The following ADAM23 variants were observed in gnomAD, a reference collection of about 807,000 sequenced individuals.
ADAM23 encodes ADAM metallopeptidase domain 23.
Under a neutral mutation model 120.1 loss-of-function variants are expected in ADAM23, and 33 were observed. The ratio of observed to expected loss-of-function variants is 0.27; its 90% confidence interval spans 0.21 to 0.37. The LOEUF is 0.37. Ranked by LOEUF, ADAM23 falls within the 10% of genes least tolerant of loss-of-function variation. ADAM23 has a pLI of 1.00. For missense variants in ADAM23, 862 were observed against 1,058.2 expected (o/e 0.81, Z 2.57); for synonymous variants, 367 against 375.2 (o/e 0.98, Z 0.25).
At chr2:206,492,516 T>G (rs929817230) in intron 3 of ADAM23, among the ~76,000 whole-genome samples, 1 of 152,222 alleles carries the variant, frequency 6.6e-6, no homozygotes. Flanking sequence ...ATATATTGTT[T>G]ATACAATAGA....
In ADAM23 at chr2:206,589,439, A is replaced by T; in HGVS notation, c.1883A>T (p.Glu628Val). Residue 628 changes from glutamate to valine, a missense_variant, in exon 21 of 26, where the codon GAA (glutamate) becomes GTA (valine). By Grantham distance (121) the Glu-to-Val change is moderately radical (BLOSUM62 -2). Transcript: ENST00000264377. ...KAAGSDKFCY[E>V]KLNTEGTEKG... Reference sequence around the variant, plus strand: ...GCAGGGTCTGACAAGTTCTGCTATGAAAAGCTGAATACAGAAGGCACTGAG... The same window carrying T: ...GCAGGGTCTGACAAGTTCTGCTATGTAAAGCTGAATACAGAAGGCACTGAG... The T allele has an allele frequency of 6.2e-7, 1 of 1,613,852 alleles. No homozygotes were observed. Among genetic ancestry groups the T allele is most frequent in the Non-Finnish European group, 8.5e-7 (1 of 1,179,882 alleles).
chr2:206,611,080 A>G (rs1698817339), intron 25 of ADAM23, among the ~76,000 whole-genome samples: 1 of 152,196 alleles, frequency 6.6e-6, no homozygotes, highest in Non-Finnish European at 1.5e-5. Flanking sequence ...TTAAAGTGTT[A>G]TTTTTAGAAG....
chr2:206,484,102 A>G (rs559477142), intron 3 of ADAM23, among the ~76,000 whole-genome samples: 1 of 152,282 alleles, frequency 6.6e-6, no homozygotes, highest in South Asian at 2.1e-4. Context: ...AGGGAATGAG[A>G]TCAAAGCCCA....
At chr2:206,498,673 C>G (rs567296208) in intron 3 of ADAM23, among the ~76,000 whole-genome samples, 24 of 152,198 alleles carry the variant, frequency 1.6e-4, no homozygotes, top group African/African-American at 5.3e-4. Flanking sequence ...AACTAAAGAG[C>G]TTTTGCACAG....
chr2:206,592,903 C>T (rs1430292562), intron 22 of ADAM23, among the ~76,000 whole-genome samples, 167 bp downstream of exon 22: 1 of 152,046 alleles, frequency 6.6e-6, no homozygotes, highest in Non-Finnish European at 1.5e-5. Flanking sequence ...TAAAAAGAAA[C>T]AAAGTTGTAT....
At position 206,591,452 on chromosome 2, in the gene ADAM23, GTGTA is replaced by G. The variant is rs1303530402; in HGVS notation, c.1959-1163_1959-1160del. On this transcript the variant is annotated intron_variant, in intron 21 of 25. Transcript: ENST00000264377. ...CAGCATTTTAAGAGTTTTCTGTGGT[GTGTA>G]TAGCTGTCTGTTGTTCATTTTTATT... 2.0e-5 allele frequency among the ~76,000 whole-genome samples: 3 copies of G among 152,248 alleles called. No individual in the cohort carries two copies. The East Asian group carries it at 5.8e-4, about 29-fold the overall frequency.
chr2:206,518,178 A>G (rs1445941926), intron 3 of ADAM23, among the ~76,000 whole-genome samples: 1 of 152,188 alleles, frequency 6.6e-6, no homozygotes, highest in Non-Finnish European at 1.5e-5. Context: ...ACTGGATTTT[A>G]TTACTGGCAC....
intron 13 of ADAM23, among the ~76,000 whole-genome samples, chr2:206,562,608 G>A (rs566621853): frequency 1.3e-5 from 2 of 152,260 alleles, no homozygotes; most frequent in East Asian, 3.9e-4. Flanking sequence ...CTGAGCAGAC[G>A]TACAAGGTGC....
chr2:206,542,541 G>A (rs1697313099), intron 5 of ADAM23, among the ~76,000 whole-genome samples: 1 of 152,132 alleles, frequency 6.6e-6, no homozygotes, highest in Admixed American at 6.5e-5. Flanking sequence ...CCAGGCAAGG[G>A]TGGGGTGACA....
intron 25 of ADAM23, among the ~76,000 whole-genome samples, chr2:206,610,471 G>T (rs1435725037): frequency 6.6e-6 from 1 of 152,210 alleles, no homozygotes; most frequent in Admixed American, 6.5e-5. Context: ...GTAGCTTTGT[G>T]ATTTGAAAAG....
In ADAM23 at chr2:206,562,294, G is replaced by C. The variant is rs1336108725; in HGVS notation, c.1345+1G>C. Reference sequence around the variant, plus strand: ...TGGGAACCTTCTAGCAGAAAGCCAAGTATGTACACTGACCTTCTTACTCAT... The same window carrying C: ...TGGGAACCTTCTAGCAGAAAGCCAACTATGTACACTGACCTTCTTACTCAT... On this transcript the variant is annotated splice_donor_variant, in intron 13 of 25. Transcript: ENST00000264377. LOFTEE classifies it high-confidence loss of function. The C allele has an allele frequency of 6.2e-7, 1 of 1,612,386 alleles. No homozygotes were observed. The highest frequency in any genetic ancestry group is 8.5e-7 in the Non-Finnish European group (1 of 1,178,640).
At chr2:206,545,185 T>C (rs543313644) in intron 6 of ADAM23, among the ~76,000 whole-genome samples, 19 of 152,286 alleles carry the variant, frequency 1.2e-4, no homozygotes, top group African/African-American at 3.1e-4. Flanking sequence ...TCTTTAGGGA[T>C]TTCAAATTTA....
At chr2:206,517,030 A>C (rs1441361566) in intron 3 of ADAM23, among the ~76,000 whole-genome samples, 1 of 152,086 alleles carries the variant, frequency 6.6e-6, no homozygotes, top group Admixed American at 6.6e-5. Flanking sequence ...AAAATAAAAT[A>C]ATAGTAAGCT....
At chr2:206,469,668 C>T (rs1227937708) in intron 2 of ADAM23, among the ~76,000 whole-genome samples, 1 of 152,186 alleles carries the variant, frequency 6.6e-6, no homozygotes, top group Non-Finnish European at 1.5e-5. Context: ...AGGCAGAGTT[C>T]ATACAGTGGC....
chr2:206,539,068 A>C (rs1432564289), intron 4 of ADAM23, among the ~76,000 whole-genome samples: 3 of 152,218 alleles, frequency 2.0e-5, no homozygotes, highest in African/African-American at 7.2e-5. Context: ...GTATATGAAG[A>C]GGAAGCCTGG....
At position 206,588,168 on chromosome 2, in the gene ADAM23, C is replaced by G. The variant is rs1698359416; in HGVS notation, c.1852+14C>G. The G allele has an allele frequency of 1.2e-6, 2 of 1,613,446 alleles. No homozygotes were observed. Among genetic ancestry groups the G allele is most frequent in the Non-Finnish European group, 1.7e-6 (2 of 1,179,660 alleles). ...TCTGGGGAACAAGTAGGTCGCACCT[C>G]CTTGCTTGGCGGTTACACATACCAT... is the stretch of plus-strand genomic sequence containing the variant. On this transcript the variant is annotated intron_variant, in intron 20 of 25. Transcript: ENST00000264377.
At chr2:206,447,372 G>A (rs1302808881) in intron 2 of ADAM23, among the ~76,000 whole-genome samples, 2 of 152,194 alleles carry the variant, frequency 1.3e-5, no homozygotes, top group East Asian at 1.9e-4. Context: ...ATATGCAAGC[G>A]GTATGCTAAG....
chr2:206,525,854 TG>T (rs1189517868), intron 3 of ADAM23, among the ~76,000 whole-genome samples: 1 of 152,072 alleles, frequency 6.6e-6, no homozygotes, highest in African/African-American at 2.4e-5. Flanking sequence ...TCTCCCAAAA[TG>T]CTGAGATTAT....
At chr2:206,456,800 C>A (rs2105855198) in intron 2 of ADAM23, among the ~76,000 whole-genome samples, 1 of 152,284 alleles carries the variant, frequency 6.6e-6, no homozygotes, top group African/African-American at 2.4e-5. Context: ...CAAATCCAAG[C>A]ACAGCTAGAG....
Sources: allele counts gnomAD v4.1 joint callset (sites outside exome capture counted in the v4.1 genomes callset), GRCh38; gene constraint gnomAD v4.1.1; transcripts MANE v1.5; gene names NCBI Gene and HGNC (gene_info 2026-07-23, HGNC 2026-07-21).